BRINP3: variants seen among roughly 807,000 people sequenced by gnomAD.
BRINP3 encodes BMP/retinoic acid inducible neural specific 3.
BRINP3 carries 19 observed loss-of-function variants against 71.0 expected under a neutral mutation model. The ratio of observed to expected loss-of-function variants is 0.27; its 90% CI spans 0.19 to 0.39. The LOEUF is 0.39. Among genes scored for constraint, BRINP3 ranks in the 10% least tolerant of loss-of-function variants. The probability of loss-of-function intolerance (pLI) is 1.00; values close to 1 mark genes in which losing one functional copy is unlikely to be tolerated. For synonymous variants in BRINP3, 380 were observed against 337.7 expected (o/e 1.13, Z -1.37); for missense variants, 959 against 940.8 (o/e 1.02, Z -0.25).
chr1:190,346,920 G>T (rs893603153), intron 2 of BRINP3, among the ~76,000 whole-genome samples: 1 of 151,904 alleles, frequency 6.6e-6, no homozygotes, highest in Non-Finnish European at 1.5e-5. Context: ...TATTTTTATG[G>T]TTGTTCTCTT....
At chr1:190,230,640 A>C in intron 5 of BRINP3, among the ~76,000 whole-genome samples, 1 of 151,868 alleles carries the variant, frequency 6.6e-6, no homozygotes, top group African/African-American at 2.4e-5. Flanking sequence ...ATACAAATAT[A>C]AAAAAAGTAT....
chr1:190,260,873 T>G (rs1194413883), intron 4 of BRINP3, among the ~76,000 whole-genome samples: 1 of 152,068 alleles, frequency 6.6e-6, no homozygotes, highest in Non-Finnish European at 1.5e-5. Context: ...CTGTTTCTAC[T>G]TATTCCTAGG....
At chr1:190,119,143 T>C (rs1259125076) in intron 7 of BRINP3, among the ~76,000 whole-genome samples, 6 of 152,170 alleles carry the variant, frequency 3.9e-5, no homozygotes, top group African/African-American at 1.4e-4. Context: ...TGTACTTTTA[T>C]TATCAGAATT....
chr1:190,340,101 G>A (rs1241044768), intron 2 of BRINP3, among the ~76,000 whole-genome samples: 1 of 151,824 alleles, frequency 6.6e-6, no homozygotes, highest in Non-Finnish European at 1.5e-5. Context: ...TTTATATATT[G>A]AGCCTATACA....
In BRINP3 at chr1:190,208,253, C is replaced by T. The variant is rs150224485; in HGVS notation, c.961+17829G>A. ...CATTACAGGTGTGAGCCACTGTGCC[C>T]GGCCCTGTAATACATACTCTTATAT... On this transcript the variant is annotated intron_variant, in intron 6 of 7. Coordinates refer to ENST00000367462, the MANE Select transcript of BRINP3 (RefSeq NM_199051.3). Among the ~76,000 whole-genome samples, 150 of 151,992 alleles carry T rather than the reference C, an allele frequency of 9.9e-4. 2 individuals carry two copies. In the East Asian group the frequency reaches 0.025, roughly 26 times the overall value.
chr1:190,217,615 G>T (rs1476891082), intron 6 of BRINP3, among the ~76,000 whole-genome samples: 3 of 151,862 alleles, frequency 2.0e-5, no homozygotes, highest in Non-Finnish European at 4.4e-5. Context: ...GCAAAGTAGG[G>T]CAACTTCTCA....
intron 4 of BRINP3, among the ~76,000 whole-genome samples, chr1:190,240,407 G>T (rs927785927): frequency 2.0e-5 from 3 of 151,776 alleles, no homozygotes; most frequent in African/African-American, 7.3e-5. Flanking sequence ...GAATATAGGG[G>T]TATCAGAAAA....
chr1:190,179,555 C>T (rs1652847897), intron 6 of BRINP3, among the ~76,000 whole-genome samples: 1 of 151,908 alleles, frequency 6.6e-6, no homozygotes, highest in Non-Finnish European at 1.5e-5. Flanking sequence ...AGTGTCTGTC[C>T]CTAACAAAAA....
Position 190,145,615 on chromosome 1 carries a change from A to C in BRINP3, c.1184+15053T>G, listed in dbSNP as rs146741768. Among the ~76,000 whole-genome samples the C allele has an allele frequency of 2.0e-5, 3 of 152,296 alleles. No individual in the cohort carries two copies. In the East Asian group the frequency reaches 5.8e-4, roughly 29 times the overall value. On this transcript the variant is annotated intron_variant, in intron 7 of 7. Coordinates refer to ENST00000367462, the MANE Select transcript of BRINP3 (RefSeq NM_199051.3). ...ACAACCACTGTGGAAACCAGTATGG[A>C]GATTCCTTAAAGAACAAAAAGTAGA... is the stretch of plus-strand genomic sequence containing the variant.
intron 2 of BRINP3, among the ~76,000 whole-genome samples, chr1:190,437,977 G>A (rs558572084): frequency 6.6e-6 from 1 of 151,088 alleles, no homozygotes; most frequent in African/African-American, 2.4e-5. Context: ...AATATCAGTG[G>A]GTTATATTTA....
chr1:190,181,475 T>C (rs1209826608), intron 6 of BRINP3, among the ~76,000 whole-genome samples: 2 of 152,132 alleles, frequency 1.3e-5, no homozygotes, highest in East Asian at 3.9e-4. Context: ...CTTTTTGTCC[T>C]GCTTTTCTAT....
intron 6 of BRINP3, among the ~76,000 whole-genome samples, chr1:190,162,918 G>A (rs548084440): frequency 9.9e-5 from 15 of 152,006 alleles, no homozygotes; most frequent in African/African-American, 3.6e-4. Flanking sequence ...AACACCTGTT[G>A]TGCACAGTAC....
chr1:190,421,559 T>C lies in BRINP3; in HGVS notation c.236+33096A>G, dbSNP rs564444529. Among the ~76,000 whole-genome samples, 10 of 151,800 alleles carry C rather than the reference T, an allele frequency of 6.6e-5. No homozygotes were observed. The East Asian group carries it at 1.2e-3, about 18-fold the overall frequency. On this transcript the variant is annotated intron_variant, in intron 2 of 7. Transcript: ENST00000367462. ...TTATGAAAGTAATTGATTCCCTATG[T>C]TATGAATATCGGCATCATTTCTTGG... is the stretch of plus-strand genomic sequence containing the variant.
chr1:190,291,232 G>T (rs966458105), intron 2 of BRINP3, among the ~76,000 whole-genome samples: 2 of 151,918 alleles, frequency 1.3e-5, no homozygotes, highest in African/African-American at 4.8e-5. Flanking sequence ...TGATTAAAGA[G>T]GTTTATAATC....
At chr1:190,183,604 T>G (rs1653237031) in intron 6 of BRINP3, among the ~76,000 whole-genome samples, 1 of 152,120 alleles carries the variant, frequency 6.6e-6, no homozygotes, top group African/African-American at 2.4e-5. Context: ...ATCCTGATAA[T>G]GGGGGATGGA....
chr1:190,262,068 A>T (rs1661230449), intron 4 of BRINP3, among the ~76,000 whole-genome samples: 1 of 152,196 alleles, frequency 6.6e-6, no homozygotes, highest in African/African-American at 2.4e-5. Flanking sequence ...TTGATAAGTA[A>T]TAAAAATAAA....
intron 3 of BRINP3, among the ~76,000 whole-genome samples, chr1:190,267,034 G>A (rs751679969): frequency 6.6e-6 from 1 of 152,110 alleles, no homozygotes; most frequent in African/African-American, 2.4e-5. Context: ...TAAAGCACAA[G>A]ATACAGGAGC....
chr1:190,259,981 T>C (rs770107687), intron 4 of BRINP3, among the ~76,000 whole-genome samples: 4 of 149,368 alleles, frequency 2.7e-5, no homozygotes, highest in Admixed American at 6.7e-5. Context: ...TTAGCCAACA[T>C]TGAGCCACTG....
At chr1:190,103,276 G>T (rs1651854065) in intron 7 of BRINP3, among the ~76,000 whole-genome samples, 1 of 152,100 alleles carries the variant, frequency 6.6e-6, no homozygotes. Context: ...GATTTCACTT[G>T]CTGATCTGTT....
Sources: allele counts gnomAD v4.1 joint callset (sites outside exome capture counted in the v4.1 genomes callset), GRCh38; gene constraint gnomAD v4.1.1; transcripts MANE v1.5; gene names NCBI Gene and HGNC (gene_info 2026-07-23, HGNC 2026-07-21).